Variants in CSMD3 observed in about 807,000 individuals in gnomAD.
CSMD3 encodes the protein CUB and Sushi multiple domains 3.
A neutral mutation model predicts 435.2 loss-of-function variants in CSMD3; 177 were observed. The ratio of observed to expected loss-of-function variants is 0.41; its 90% CI spans 0.36 to 0.46. The LOEUF is 0.46. Ranked by LOEUF, CSMD3 falls within the 20% of genes least tolerant of loss-of-function variation. The probability of loss-of-function intolerance (pLI) is 0.34; values close to 1 mark genes in which losing one functional copy is unlikely to be tolerated. For missense variants in CSMD3, 4,265 were observed against 4,504.6 expected (o/e 0.95, Z 1.52); for synonymous variants, 1,656 against 1,520.5 (o/e 1.09, Z -2.07).
At chr8:112,785,987 A>G (rs2078528115) in intron 13 of CSMD3, among the ~76,000 whole-genome samples, 1 of 152,162 alleles carries the variant, frequency 6.6e-6, no homozygotes, top group Non-Finnish European at 1.5e-5. Flanking sequence ...CTGAGCAAAA[A>G]GAACAAATCT....
rs769167685 is a variant in CSMD3 at position 112,234,487 on chromosome 8, G to A, written c.10628-10C>T. 2.0e-6 allele frequency: 3 copies of A among 1,479,028 alleles called. No homozygotes were observed. Among genetic ancestry groups the A allele is most frequent in the Non-Finnish European group, 2.8e-6 (3 of 1,057,546 alleles). 91.6% of individuals were successfully genotyped at this position (1,479,028 alleles called of 1,614,324 possible). ...TGGCTTTTATATACCCCTGTAAAAT[G>A]CAAGGACATTTTAGTCTACTTAACT... On this transcript the variant is annotated splice_polypyrimidine_tract_variant and intron_variant, in intron 67 of 70. Coordinates refer to ENST00000297405, the MANE Select transcript of CSMD3 (RefSeq NM_198123.2).
chr8:112,748,094 G>A (rs1361937186), intron 13 of CSMD3, among the ~76,000 whole-genome samples: 1 of 152,102 alleles, frequency 6.6e-6, no homozygotes, highest in Non-Finnish European at 1.5e-5. Context: ...GCTTTGGTAG[G>A]AGTATTATTG....
intron 6 of CSMD3, among the ~76,000 whole-genome samples, chr8:112,987,421 A>G (rs2085295486): frequency 6.6e-6 from 1 of 152,154 alleles, no homozygotes; most frequent in African/African-American, 2.4e-5. Flanking sequence ...GATACCAAAA[A>G]TATTTTTAAA....
At chr8:112,707,575 T>C (rs2076526233) in intron 13 of CSMD3, among the ~76,000 whole-genome samples, 1 of 151,930 alleles carries the variant, frequency 6.6e-6, no homozygotes, top group South Asian at 2.1e-4. Context: ...AAATTGGTGA[T>C]GGGTATAAAA....
At position 113,345,668 on chromosome 8, in the gene CSMD3, T is replaced by C. The variant is rs6985547; in HGVS notation, c.179-30875A>G. Among the ~76,000 whole-genome samples, 880 of 152,256 alleles carry C rather than the reference T, an allele frequency of 5.8e-3. 7 individuals are homozygous for C. Among genetic ancestry groups the C allele is most frequent in the African/African-American group, 0.02 (820 of 41,570 alleles). On this transcript the variant is annotated intron_variant, in intron 1 of 70. Coordinates refer to ENST00000297405, the MANE Select transcript of CSMD3 (RefSeq NM_198123.2). Reference sequence around the variant, plus strand: ...TCATTTTATAAGGAAGACAAATACCTAGTCTTGAAATTTACTTCTGTTTTT... The same window carrying C: ...TCATTTTATAAGGAAGACAAATACCCAGTCTTGAAATTTACTTCTGTTTTT...
At chr8:113,002,587 C>T (rs1213076151) in intron 6 of CSMD3, among the ~76,000 whole-genome samples, 4 of 152,060 alleles carry the variant, frequency 2.6e-5, no homozygotes, top group Non-Finnish European at 1.5e-5. Flanking sequence ...CCTTCACTGT[C>T]TTGATGAGAA....
At position 112,492,702 on chromosome 8, in the gene CSMD3, A is replaced by G. The variant is rs753324776; in HGVS notation, c.5084-19T>C. 1.2e-5 allele frequency: 19 copies of G among 1,600,560 alleles called. No homozygotes were observed. The South Asian group carries it at 1.3e-4, about 11-fold the overall frequency. ...AGTTTTGCTGTAAAACAGTGTTAGTATAACATTAATTGCTTTAAAATACAG... is the reference window on the plus strand; with the variant it reads ...AGTTTTGCTGTAAAACAGTGTTAGTGTAACATTAATTGCTTTAAAATACAG... On this transcript the variant is annotated intron_variant, in intron 30 of 70. Coordinates refer to ENST00000297405, the MANE Select transcript of CSMD3 (RefSeq NM_198123.2).
intron 3 of CSMD3, among the ~76,000 whole-genome samples, chr8:113,261,671 T>C (rs2093428716): frequency 6.6e-6 from 1 of 152,094 alleles, no homozygotes; most frequent in Non-Finnish European, 1.5e-5. Flanking sequence ...AGGGTGCCAT[T>C]TCTTAAATTC....
At chr8:112,300,510 G>T (rs1820816108) in intron 53 of CSMD3, among the ~76,000 whole-genome samples, 1 of 151,648 alleles carries the variant, frequency 6.6e-6, no homozygotes, top group South Asian at 2.1e-4. Flanking sequence ...TCATTGAAGT[G>T]GCCTCATCCA....
chr8:113,145,715 T>C (rs2091657547), intron 4 of CSMD3, among the ~76,000 whole-genome samples: 1 of 151,618 alleles, frequency 6.6e-6, no homozygotes, highest in South Asian at 2.1e-4. Flanking sequence ...TTCTGCCTTG[T>C]TTTGTTCAAT....
At chr8:113,134,605 TTATA>T (rs1281053356) in intron 4 of CSMD3, among the ~76,000 whole-genome samples, 1 of 152,066 alleles carries the variant, frequency 6.6e-6, no homozygotes, top group African/African-American at 2.4e-5. Flanking sequence ...ATACCTATAT[TTATA>T]TATGTGCATA....
intron 38 of CSMD3, among the ~76,000 whole-genome samples, chr8:112,371,388 C>T (rs373285779): frequency 6.6e-6 from 1 of 152,082 alleles, no homozygotes; most frequent in African/African-American, 2.4e-5. Flanking sequence ...AGAAGCAGCA[C>T]ATAAGGTCCT....
At chr8:113,122,781 T>C (rs1468279642) in intron 4 of CSMD3, among the ~76,000 whole-genome samples, 1 of 152,112 alleles carries the variant, frequency 6.6e-6, no homozygotes, top group Admixed American at 6.6e-5. Flanking sequence ...GCCTATGACC[T>C]ACAAAATTGT....
At chr8:112,569,223 A>G (rs1374973772) in intron 24 of CSMD3, among the ~76,000 whole-genome samples, 1 of 152,188 alleles carries the variant, frequency 6.6e-6, no homozygotes, top group African/African-American at 2.4e-5. Context: ...ACTTGTGACC[A>G]TGTCACCACA....
chr8:113,420,102 G>A (rs1043032139), intron 1 of CSMD3, among the ~76,000 whole-genome samples: 4 of 152,160 alleles, frequency 2.6e-5, no homozygotes, highest in East Asian at 1.9e-4. Flanking sequence ...ACAGGAGTTT[G>A]CAACAAATGG....
chr8:112,645,935 T>C (rs1158406575), intron 19 of CSMD3, among the ~76,000 whole-genome samples: 3 of 152,172 alleles, frequency 2.0e-5, no homozygotes, highest in Admixed American at 6.5e-5. Context: ...AGTAAGCATT[T>C]TTATTCTAGT....
At chr8:112,643,577 T>A (rs530718395) in intron 20 of CSMD3, 93 of 169,134 alleles carry the variant, frequency 5.5e-4, no homozygotes, top group African/African-American at 2.2e-3. Context: ...TCTATTTACA[T>A]AGCAAGCAGT....
chr8:112,789,550 T>C (rs191733040), intron 13 of CSMD3, among the ~76,000 whole-genome samples: 42 of 152,096 alleles, frequency 2.8e-4, no homozygotes, highest in African/African-American at 9.6e-4. Flanking sequence ...ATTATGTTAG[T>C]ATATGACAGA....
At position 112,254,298 on chromosome 8, in the gene CSMD3, T is replaced by G; in HGVS notation, c.10065A>C (p.Pro3355=). The change falls in exon 63 of 71, where the codon CCA becomes CCC. Residue 3355 remains proline, a synonymous_variant. Transcript: ENST00000297405. ...TCTGAGATCCATGCCGAGGCACACCTGGGTTTTCACAAGAGGTTTGGGTAG... is the reference window on the plus strand; with the variant it reads ...TCTGAGATCCATGCCGAGGCACACCGGGGTTTTCACAAGAGGTTTGGGTAG... ...IEPTQTSCEN[P]GVPRHGSQNN... 2 of 1,612,674 alleles carry G rather than the reference T, an allele frequency of 1.2e-6. No homozygotes were observed. The highest frequency in any genetic ancestry group is 1.7e-6 in the Non-Finnish European group (2 of 1,178,876).
Sources: gnomAD v4.1 joint callset for allele counts (sites outside exome capture counted in the v4.1 genomes callset) on GRCh38, gnomAD v4.1.1 for gene constraint, MANE v1.5 for transcripts, NCBI Gene and HGNC (gene_info 2026-07-23, HGNC 2026-07-21) for gene names.